GPC6: variants seen among roughly 807,000 people sequenced by gnomAD.
GPC6 encodes glypican 6.
Under a neutral mutation model 55.2 loss-of-function variants are expected in GPC6, and 14 were observed. The observed-to-expected ratio is 0.25, with a 90% CI of 0.17 to 0.40. The LOEUF (loss-of-function observed/expected upper bound fraction) is 0.40. Among genes scored for constraint, GPC6 ranks in the 10% least tolerant of loss-of-function variants. The pLI is 1.00. For missense variants in GPC6, 641 were observed against 708.5 expected (o/e 0.90, Z 1.08); for synonymous variants, 278 against 259.6 (o/e 1.07, Z -0.68).
chr13:93,820,002 T>A (rs1416325728), intron 2 of GPC6, among the ~76,000 whole-genome samples: 1 of 152,196 alleles, frequency 6.6e-6, no homozygotes, highest in East Asian at 1.9e-4. Flanking sequence ...TACATAGTGC[T>A]GCTTTTCAGG....
intron 2 of GPC6, among the ~76,000 whole-genome samples, chr13:93,667,166 A>G (rs891315220): frequency 1.3e-5 from 2 of 152,224 alleles, no homozygotes; most frequent in African/African-American, 4.8e-5. Flanking sequence ...AAAGTAGCTT[A>G]AATAAAAAGC....
intron 4 of GPC6, among the ~76,000 whole-genome samples, chr13:94,254,020 G>A (rs746176053): frequency 2.2e-4 from 33 of 152,092 alleles, no homozygotes; most frequent in Non-Finnish European, 4.0e-4. Flanking sequence ...TGAGCCATGA[G>A]TGCTGTTTCC....
chr13:93,670,191 G>A (rs1881303495), intron 2 of GPC6, among the ~76,000 whole-genome samples: 1 of 152,124 alleles, frequency 6.6e-6, no homozygotes, highest in Non-Finnish European at 1.5e-5. Flanking sequence ...GCCTCATAAT[G>A]TAACAGAGTG....
Position 93,342,013 on chromosome 13 carries a change from T to G in GPC6, c.160+114397T>G, listed in dbSNP as rs146030233. On this transcript the variant is annotated intron_variant, in intron 1 of 8. Transcript: ENST00000377047. ...CTCACTGAGTAGCTGGGACTCCAGG[T>G]GTCCAGCACCACACCCACCTAATTT... Among the ~76,000 whole-genome samples the G allele has an allele frequency of 6.2e-3, 937 of 151,540 alleles. 4 individuals carry two copies. The highest frequency in any genetic ancestry group is 0.022 in the African/African-American group (891 of 41,282).
intron 2 of GPC6, among the ~76,000 whole-genome samples, chr13:93,742,534 G>C (rs531529834): frequency 6.6e-6 from 1 of 152,242 alleles, no homozygotes; most frequent in African/African-American, 2.4e-5. Context: ...GGATAAATGT[G>C]GGCCAGATGA....
At chr13:93,637,712 A>G (rs769909331) in intron 2 of GPC6, among the ~76,000 whole-genome samples, 1 of 152,154 alleles carries the variant, frequency 6.6e-6, no homozygotes, top group African/African-American at 2.4e-5. Flanking sequence ...CAGTCTATCT[A>G]TGAATAAATC....
At chr13:94,135,576 A>T (rs1484543220) in intron 4 of GPC6, among the ~76,000 whole-genome samples, 1 of 152,194 alleles carries the variant, frequency 6.6e-6, no homozygotes, top group Non-Finnish European at 1.5e-5. Context: ...GTCATGACCC[A>T]CCCACCCGTC....
chr13:93,449,172 T>C (rs1878120033), intron 1 of GPC6, among the ~76,000 whole-genome samples: 1 of 152,182 alleles, frequency 6.6e-6, no homozygotes, highest in South Asian at 2.1e-4. Context: ...CATGCTGTGA[T>C]AAAAGTACAG....
intron 4 of GPC6, among the ~76,000 whole-genome samples, chr13:94,208,725 TG>T (rs1315128945): frequency 1.7e-5 from 2 of 114,918 alleles, no homozygotes; most frequent in African/African-American, 7.0e-5. Flanking sequence ...GAGACAAATG[TG>T]GGCAGCAAAG....
chr13:93,403,604 C>A (rs1422146683), intron 1 of GPC6, among the ~76,000 whole-genome samples: 2 of 152,152 alleles, frequency 1.3e-5, no homozygotes, highest in Non-Finnish European at 2.9e-5. Flanking sequence ...TACTGTATTG[C>A]AATCCACCAC....
At chr13:93,239,024 C>T (rs1444166061) in intron 1 of GPC6, among the ~76,000 whole-genome samples, 2 of 152,046 alleles carry the variant, frequency 1.3e-5, no homozygotes, top group Non-Finnish European at 2.9e-5. Context: ...CATCTATGTT[C>T]ATCAGAGATC....
At chr13:93,704,311 G>A (rs919269369) in intron 2 of GPC6, among the ~76,000 whole-genome samples, 4 of 151,750 alleles carry the variant, frequency 2.6e-5, no homozygotes, top group South Asian at 2.1e-4. Flanking sequence ...CTGCAAATAA[G>A]CCCCAAAATA....
At chr13:94,178,791 A>G (rs1269894489) in intron 4 of GPC6, among the ~76,000 whole-genome samples, 2 of 152,200 alleles carry the variant, frequency 1.3e-5, no homozygotes, top group Non-Finnish European at 2.9e-5. Flanking sequence ...GTTGTATTGC[A>G]GCCAAGCAAA....
At chr13:94,278,390 A>G (rs903487141) in intron 4 of GPC6, among the ~76,000 whole-genome samples, 5 of 152,110 alleles carry the variant, frequency 3.3e-5, no homozygotes, top group Admixed American at 1.3e-4. Flanking sequence ...AAACAGAGAC[A>G]ATTTGACTTC....
At chr13:94,223,467 A>G (rs1180588449) in intron 4 of GPC6, among the ~76,000 whole-genome samples, 1 of 152,198 alleles carries the variant, frequency 6.6e-6, no homozygotes, top group Non-Finnish European at 1.5e-5. Flanking sequence ...CTCACAAAAC[A>G]TAACATACCT....
intron 2 of GPC6, among the ~76,000 whole-genome samples, chr13:93,665,330 A>G (rs1881089165): frequency 6.6e-6 from 1 of 152,206 alleles, no homozygotes; most frequent in African/African-American, 2.4e-5. Flanking sequence ...AAATGTAAAA[A>G]TCAATTTGCA....
chr13:93,276,944 A>C (rs1180365867), intron 1 of GPC6, among the ~76,000 whole-genome samples: 1 of 152,192 alleles, frequency 6.6e-6, no homozygotes, highest in East Asian at 1.9e-4. Flanking sequence ...GTACAAATAA[A>C]ACCCTGTATT....
chr13:93,248,586 T>A (rs768576494), intron 1 of GPC6, among the ~76,000 whole-genome samples: 13 of 152,154 alleles, frequency 8.5e-5, no homozygotes, highest in Non-Finnish European at 1.6e-4. Context: ...TATTTTAACC[T>A]AATTAAGTAT....
intron 4 of GPC6, among the ~76,000 whole-genome samples, chr13:94,272,463 C>CTTTTTTTTTTTTTTTTTTT (rs555664508): frequency 8.2e-5 from 7 of 85,744 alleles, no homozygotes; most frequent in Non-Finnish European, 1.5e-4. Context: ...CTTTTCTTTT[C>CTTTTTTTTTTTTTTTTTTT]TTTTTTTTTT....
Sources: gnomAD v4.1 joint callset for allele counts (sites outside exome capture counted in the v4.1 genomes callset) on GRCh38, gnomAD v4.1.1 for gene constraint, MANE v1.5 for transcripts, NCBI Gene and HGNC (gene_info 2026-07-23, HGNC 2026-07-21) for gene names.